PHC3: variants seen among roughly 807,000 people sequenced by gnomAD.
PHC3 encodes polyhomeotic-like protein 3.
PHC3 carries 13 observed loss-of-function variants against 107.4 expected under a neutral mutation model. The ratio of observed to expected loss-of-function variants is 0.12; its 90% CI spans 0.08 to 0.19. The LOEUF (loss-of-function observed/expected upper bound fraction) is 0.19, where lower values mean the gene tolerates loss of function less well. PHC3 is among the 10% of genes least tolerant of loss of function. The pLI is 1.00. For missense variants in PHC3, 992 were observed against 1,210.9 expected, an observed-to-expected ratio of 0.82 and a Z score of 2.68; for synonymous variants, 456 against 427.4, an observed-to-expected ratio of 1.07 and a Z score of -0.83.
At position 170,095,824 on chromosome 3, in the gene PHC3, G is replaced by A. The variant is rs994552567; in HGVS notation, c.*1406C>T. Reference sequence around the variant, plus strand: ...TCTATAGAACACTGTTCAGTAAAAGGTTTTGCTTTACATTTTTTTCCTCAA... The same window carrying A: ...TCTATAGAACACTGTTCAGTAAAAGATTTTGCTTTACATTTTTTTCCTCAA... On this transcript the variant is annotated 3_prime_UTR_variant, in exon 15 of 15. Coordinates refer to ENST00000495893, the MANE Select transcript of PHC3 (RefSeq NM_024947.4). 2.6e-5 allele frequency: 4 copies of A among 152,036 alleles called. No homozygotes were observed. Among genetic ancestry groups the A allele is most frequent in the African/African-American group, 9.7e-5 (4 of 41,426 alleles). The allele number at this position is 152,036 out of a possible 1,614,324, so 9.4% of individuals were successfully genotyped here.
intron 5 of PHC3, among the ~76,000 whole-genome samples, chr3:170,145,759 C>T (rs1724833764): frequency 1.3e-5 from 2 of 152,222 alleles, no homozygotes; most frequent in African/African-American, 4.8e-5. Context: ...AAAAGCAGTA[C>T]TCAAAAAAGA....
intron 4 of PHC3, among the ~76,000 whole-genome samples, chr3:170,166,476 A>AT (rs1178228527): frequency 3.9e-5 from 6 of 152,208 alleles, no homozygotes; most frequent in African/African-American, 1.2e-4. Flanking sequence ...CATATACAGC[A>AT]TTTTTTAGTA....
chr3:170,149,064 A>T (rs1182403777), intron 5 of PHC3, 22 bp downstream of exon 5: 2 of 1,607,550 alleles, frequency 1.2e-6, no homozygotes, highest in Non-Finnish European at 1.7e-6. Context: ...ACACTGAAAA[A>T]ATTTGGTAGC....
intron 6 of PHC3, 141 bp from the exon 7 acceptor site, chr3:170,136,806 T>A: frequency 2.3e-6 from 2 of 859,942 alleles, no homozygotes; most frequent in Non-Finnish European, 3.4e-6. Context: ...AAAGAACTGA[T>A]TAATCCTTAA....
chr3:170,122,209 T>A lies in PHC3; in HGVS notation c.1942+382A>T, dbSNP rs1288916305. Among the ~76,000 whole-genome samples, 3 of 152,244 alleles carry A rather than the reference T, an allele frequency of 2.0e-5. No individual in the cohort carries two copies. In the East Asian group the frequency reaches 5.8e-4, roughly 29 times the overall value. On this transcript the variant is annotated intron_variant, in intron 9 of 14. Coordinates refer to ENST00000495893, the MANE Select transcript of PHC3 (RefSeq NM_024947.4). ...GGCTACAATGAGCTATGATTGAGCC[T>A]GGATGACAGAGACTGACCCTGTCTC...
intron 2 of PHC3, 30 bp from the exon 3 acceptor site, chr3:170,172,742 A>C: frequency 6.4e-7 from 1 of 1,565,300 alleles, no homozygotes; most frequent in East Asian, 2.3e-5. Context: ...CCAATGTCAA[A>C]CCATAATCTC....
At chr3:170,162,875 C>G (rs1265686849) in intron 4 of PHC3, among the ~76,000 whole-genome samples, 1 of 152,196 alleles carries the variant, frequency 6.6e-6, no homozygotes, top group African/African-American at 2.4e-5. Context: ...CCTTTCTGTT[C>G]CCTGTGCATG....
chr3:170,150,277 G>A (rs1430622438), intron 4 of PHC3, among the ~76,000 whole-genome samples: 1 of 152,078 alleles, frequency 6.6e-6, no homozygotes, highest in Non-Finnish European at 1.5e-5. Flanking sequence ...CCAGTGTAAA[G>A]CTGTAGTCAA....
chr3:170,118,425 T>C (rs996998400), intron 9 of PHC3, among the ~76,000 whole-genome samples: 1 of 152,058 alleles, frequency 6.6e-6, no homozygotes, highest in East Asian at 1.9e-4. Flanking sequence ...AATTTTTATT[T>C]TTTTGAGACG....
In PHC3 at chr3:170,129,199, T is replaced by C. The variant is rs990874769; in HGVS notation, c.1273A>G (p.Ile425Val). The C allele has an allele frequency of 1.2e-6, 2 of 1,613,760 alleles. No individual in the cohort carries two copies. Among genetic ancestry groups the C allele is most frequent in the African/African-American group, 2.7e-5 (2 of 74,886 alleles). The part of the protein sequence containing the change: ...PHSPSQSPTI[I>V]IHPQALIQPH... ...TGAATAAGTGCTTGTGGATGAATAATTATAGTAGGAGACTGACTTGGTGAA... is the reference window on the plus strand; with the variant it reads ...TGAATAAGTGCTTGTGGATGAATAACTATAGTAGGAGACTGACTTGGTGAA... Residue 425 changes from isoleucine (I) to valine (V), a missense_variant, in exon 8 of 15, where the codon ATT becomes GTT. Coordinates refer to ENST00000495893, the MANE Select transcript of PHC3 (RefSeq NM_024947.4).
chr3:170,156,201 T>C lies in PHC3; in HGVS notation c.415-6957A>G, dbSNP rs148891408. On this transcript the variant is annotated intron_variant, in intron 4 of 14. Transcript: ENST00000495893. ...TCTGGGCTTAAGTGATTCTCCCATC[T>C]TGGCCTCCCAAAGTGCTGGGATTAC... 1.9e-3 allele frequency among the ~76,000 whole-genome samples: 289 copies of C among 152,330 alleles called. 2 individuals carry two copies. Among genetic ancestry groups the C allele is most frequent in the African/African-American group, 6.4e-3 (266 of 41,586 alleles).
rs1714425853 is a variant in PHC3, at chr3:170,094,440, C to T, written c.*2790G>A. ...AGGTAGCAAAAGTAGGAAGAACCTCCATGTTCCCTTTCTGTTTGTCATTAT... is the reference window on the plus strand; with the variant it reads ...AGGTAGCAAAAGTAGGAAGAACCTCTATGTTCCCTTTCTGTTTGTCATTAT... On this transcript the variant is annotated 3_prime_UTR_variant, in exon 15 of 15. Transcript: ENST00000495893. The T allele has an allele frequency of 6.6e-6, 1 of 152,114 alleles. No homozygotes were observed. Among genetic ancestry groups the T allele is most frequent in the Non-Finnish European group, 1.5e-5 (1 of 68,032 alleles). 9.4% of individuals were successfully genotyped at this position (152,114 alleles called of 1,614,324 possible).
intron 4 of PHC3, among the ~76,000 whole-genome samples, chr3:170,159,646 G>C (rs1207733734): frequency 6.6e-6 from 1 of 152,122 alleles, no homozygotes; most frequent in Non-Finnish European, 1.5e-5. Context: ...TCACATACAT[G>C]ATCATTAAAA....
At chr3:170,117,155 C>T (rs767712804) in intron 10 of PHC3, 71 bp downstream of exon 10, 2 of 1,561,996 alleles carry the variant, frequency 1.3e-6, no homozygotes, top group Non-Finnish European at 1.8e-6. Context: ...TATTAGAGAA[C>T]AGTAATATGT....
intron 2 of PHC3, 105 bp downstream of exon 2, chr3:170,178,668 T>G: frequency 7.9e-7 from 1 of 1,273,568 alleles, no homozygotes; most frequent in Non-Finnish European, 1.1e-6. Flanking sequence ...CATTAGTAAT[T>G]CTAACTGTAC....
intron 4 of PHC3, among the ~76,000 whole-genome samples, chr3:170,158,344 CAG>C (rs1051087793): frequency 6.6e-6 from 1 of 152,134 alleles, no homozygotes; most frequent in Non-Finnish European, 1.5e-5. Context: ...GCCTGGGTGA[CAG>C]AGACTCCATC....
At chr3:170,125,322 C>G (rs932263629) in intron 8 of PHC3, among the ~76,000 whole-genome samples, 14 of 152,094 alleles carry the variant, frequency 9.2e-5, no homozygotes, top group African/African-American at 3.4e-4. Context: ...ATCTAGTCCC[C>G]AAGGGCAAGT....
chr3:170,149,839 G>C (rs1725614226), intron 4 of PHC3: 1 of 152,182 alleles, frequency 6.6e-6, no homozygotes, highest in Non-Finnish European at 1.5e-5. Context: ...CTAAAAATTA[G>C]GGCCAGTGCT....
intron 2 of PHC3, chr3:170,176,991 A>G (rs1730584257): frequency 7.5e-6 from 3 of 398,064 alleles, no homozygotes; most frequent in South Asian, 1.8e-5. Flanking sequence ...CCCTTTTTAT[A>G]TAATACCATA....
Sources: gnomAD v4.1 joint callset for allele counts (sites outside exome capture counted in the v4.1 genomes callset) on GRCh38, gnomAD v4.1.1 for gene constraint, MANE v1.5 for transcripts, NCBI Gene and HGNC (gene_info 2026-07-23, HGNC 2026-07-21) for gene names.